Variants in DNHD1 observed in about 807,000 individuals in gnomAD.
DNHD1 encodes the protein dynein heavy chain domain 1.
DNHD1 carries 383 observed loss-of-function variants against 458.1 expected under a neutral mutation model. That is an observed-to-expected ratio of 0.84 (90% CI 0.77 to 0.91). The LOEUF is 0.91. Ranked by LOEUF, DNHD1 falls within the 40% of genes least tolerant of loss-of-function variation. The pLI is 0.00. For synonymous variants in DNHD1, 2,203 were observed against 2,376.9 expected, an observed-to-expected ratio of 0.93 and a Z score of 2.13; for missense variants, 5,336 against 5,866.1, an observed-to-expected ratio of 0.91 and a Z score of 2.95.
intron 6 of DNHD1, among the ~76,000 whole-genome samples, chr11:6,510,144 C>T (rs1363265163): frequency 2.0e-5 from 3 of 151,820 alleles, no homozygotes; most frequent in African/African-American, 7.3e-5. Context: ...AGTACAATGG[C>T]GCGATTTCGG....
At chr11:6,522,983 T>G (rs965589862) in intron 10 of DNHD1, among the ~76,000 whole-genome samples, 1 of 152,244 alleles carries the variant, frequency 6.6e-6, no homozygotes, top group Non-Finnish European at 1.5e-5. Flanking sequence ...TACTATTTGA[T>G]GTCCTTACAA....
intron 14 of DNHD1, among the ~76,000 whole-genome samples, chr11:6,535,666 G>A (rs578190759): frequency 1.3e-4 from 20 of 152,276 alleles, no homozygotes; most frequent in East Asian, 9.6e-4. Context: ...TTTATTATGC[G>A]TAGTAATAAT....
At chr11:6,551,557 C>A (rs1322023589) in intron 24 of DNHD1, among the ~76,000 whole-genome samples, 1 of 152,116 alleles carries the variant, frequency 6.6e-6, no homozygotes, top group Non-Finnish European at 1.5e-5. Context: ...TTGACAATCG[C>A]CTATTAACAC....
At chr11:6,510,326 C>G (rs188916455) in intron 6 of DNHD1, among the ~76,000 whole-genome samples, 12 of 152,118 alleles carry the variant, frequency 7.9e-5, no homozygotes, top group Non-Finnish European at 1.2e-4. Flanking sequence ...CTCAGGTGAT[C>G]CACCCACCTC....
chr11:6,546,113 A>T lies in DNHD1; in HGVS notation c.5174A>T (p.Tyr1725Phe). 6.4e-7 allele frequency: 1 copy of T among 1,551,574 alleles called. No homozygotes were observed. Among genetic ancestry groups the T allele is most frequent in the South Asian group, 1.2e-5 (1 of 84,052 alleles). The change falls in exon 21 of 43, where the codon TAT (tyrosine) becomes TTT (phenylalanine). Residue 1725 changes from tyrosine to phenylalanine, a missense_variant. Tyr to Phe is a conservative substitution (Grantham distance 22). Transcript: ENST00000254579. The part of the protein sequence containing the change: ...PQIEAQCLSN[Y>F]LNGALQGGAW... Reference sequence around the variant, plus strand: ...ATAGAGGCTCAATGCCTGAGCAACTATCTGAATGGTGCCCTGCAGGGTGGT... The same window carrying T: ...ATAGAGGCTCAATGCCTGAGCAACTTTCTGAATGGTGCCCTGCAGGGTGGT...
intron 11 of DNHD1, 25 bp downstream of exon 11, chr11:6,528,812 G>A (rs1449766767): frequency 6.4e-7 from 1 of 1,550,406 alleles, no homozygotes; most frequent in Non-Finnish European, 8.7e-7. Context: ...TTAAGGGATA[G>A]GGCGCTGCCC....
chr11:6,509,239 C>G lies in DNHD1; in HGVS notation c.1202C>G (p.Pro401Arg), dbSNP rs1852289503. 2 of 1,614,064 alleles carry G rather than the reference C, an allele frequency of 1.2e-6. No individual in the cohort carries two copies. Among genetic ancestry groups the G allele is most frequent in the East Asian group, 4.5e-5 (2 of 44,872 alleles). The change falls in exon 6 of 43, where the codon CCC (proline) becomes CGC (arginine). Residue 401 changes from proline (P) to arginine (R), a missense_variant. Around this residue, in one of 4 missense-constraint regions of DNHD1, gnomAD observed 3,932 missense variants for 4,365.6 expected, o/e 0.90. Coordinates refer to ENST00000254579, the MANE Select transcript of DNHD1 (RefSeq NM_144666.3). ...FLENHLLLAV[P>R]HFGAGLLHIS... ...GAGAATCATCTGCTCTTGGCTGTGCCCCACTTTGGAGCTGGGCTACTCCAT... is the reference window on the plus strand; with the variant it reads ...GAGAATCATCTGCTCTTGGCTGTGCGCCACTTTGGAGCTGGGCTACTCCAT...
At chr11:6,500,622 G>A (rs1852113617) in intron 3 of DNHD1, among the ~76,000 whole-genome samples, 2 of 152,186 alleles carry the variant, frequency 1.3e-5, no homozygotes, top group Admixed American at 1.3e-4. Context: ...CTGAGATGTT[G>A]GGAAGGGATC....
At position 6,566,928 on chromosome 11, in the gene DNHD1, C is replaced by G; in HGVS notation, c.11419C>G (p.Pro3807Ala). 6.2e-7 allele frequency: 1 copy of G among 1,613,328 alleles called. No individual in the cohort carries two copies. Among genetic ancestry groups the G allele is most frequent in the African/African-American group, 1.3e-5 (1 of 75,024 alleles). Residue 3807 changes from proline to alanine, a missense_variant, in exon 36 of 43, where the codon CCG becomes GCG. Around this residue, in one of 4 missense-constraint regions of DNHD1, gnomAD observed 695 missense variants for 804.2 expected, o/e 0.86. Transcript: ENST00000254579. Reference sequence around the variant, plus strand: ...GCTGACGATGCTGCTGTTCCAGAATCCGAAGCGTCAGAAGCCAGCCAAGTT... The same window carrying G: ...GCTGACGATGCTGCTGTTCCAGAATGCGAAGCGTCAGAAGCCAGCCAAGTT... ...RLLTMLLFQN[P>A]KRQKPAKFLR...
chr11:6,537,776 C>G (rs1405998523), intron 14 of DNHD1, among the ~76,000 whole-genome samples: 1 of 152,078 alleles, frequency 6.6e-6, no homozygotes. Context: ...ACTAAAAATA[C>G]AAAAATTAGC....
In DNHD1 at chr11:6,547,633, C is replaced by T; in HGVS notation, c.6694C>T (p.Leu2232Phe). The change falls in exon 21 of 43, where the codon CTT (leucine) becomes TTT (phenylalanine). Residue 2232 changes from leucine to phenylalanine, a missense_variant. Physicochemically the swap from Leu to Phe is conservative, Grantham distance 22 (BLOSUM62 0). This residue lies in a region of DNHD1 where 3,932 missense variants were observed against 4,365.6 expected (regional missense o/e 0.90). Coordinates refer to ENST00000254579, the MANE Select transcript of DNHD1 (RefSeq NM_144666.3). ...CTTGCATAGTCTGCTTGACCTCCAC[C>T]TTCGCCTAAAGGAGGAGAAGGCCCC... The part of the protein sequence containing the change: ...RILHSLLDLH[L>F]RLKEEKAPGP... 1.3e-6 allele frequency: 2 copies of T among 1,532,456 alleles called. No homozygotes were observed. Among genetic ancestry groups the T allele is most frequent in the Non-Finnish European group, 1.8e-6 (2 of 1,133,330 alleles). The allele number at this position is 1,532,456 out of a possible 1,614,324, so 94.9% of individuals were successfully genotyped here. A position where few individuals can be genotyped will look rare whatever the true frequency, so the allele number is the denominator to read the frequency against.
In DNHD1 at chr11:6,511,771, A is replaced by C. The variant is rs149871412; in HGVS notation, c.1392+342A>C. The stretch of plus-strand genomic sequence containing the variant: ...GGAATCCTGGTCTTTTATGCTGCTG[A>C]GCTTATTTTTGAACCTATCTTGAAC... On this transcript the variant is annotated intron_variant, in intron 7 of 42. Transcript: ENST00000254579. 6.6e-5 allele frequency among the ~76,000 whole-genome samples: 10 copies of C among 152,228 alleles called. No homozygotes were observed. In the East Asian group the frequency reaches 1.9e-3, roughly 29 times the overall value.
intron 10 of DNHD1, among the ~76,000 whole-genome samples, chr11:6,521,480 C>T (rs958663066): frequency 1.3e-5 from 2 of 152,074 alleles, no homozygotes; most frequent in African/African-American, 2.4e-5. Context: ...AAAAAGCACA[C>T]GGATTGGTAT....
intron 34 of DNHD1, 96 bp from the exon 35 acceptor site, chr11:6,566,491 G>A (rs1255818879): frequency 2.6e-6 from 4 of 1,551,502 alleles, no homozygotes; most frequent in East Asian, 2.4e-5. Flanking sequence ...GCCCAGAGCA[G>A]GCACAGGTCT....
chr11:6,545,686 G>GA lies in DNHD1; in HGVS notation c.4748dup (p.Asp1583GlufsTer13), dbSNP rs1853197126. The GA allele has an allele frequency of 6.4e-7, 1 of 1,551,608 alleles. No individual in the cohort carries two copies. Among genetic ancestry groups the GA allele is most frequent in the Admixed American group, 2.0e-5 (1 of 50,998 alleles). On this transcript the variant is annotated frameshift_variant, in exon 21 of 43. Coordinates refer to ENST00000254579, the MANE Select transcript of DNHD1 (RefSeq NM_144666.3). LOFTEE classifies it high-confidence loss of function. The surrounding 1 kb of genome is among the most constrained non-coding windows in gnomAD (Gnocchi z 4.9). ...GCTGGTCATGGCAGTGACTCACCGG[G>GA]ATATAGCACAGCTGCTGGAACAGCA...
chr11:6,557,356 G>T lies in DNHD1; in HGVS notation c.8061G>T (p.Gln2687His). The change falls in exon 25 of 43, where the codon CAG becomes CAT. Residue 2687 changes from glutamine (Q) to histidine (H), a missense_variant. This residue lies in a region of DNHD1 where 3,932 missense variants were observed against 4,365.6 expected (regional missense o/e 0.90). Coordinates refer to ENST00000254579, the MANE Select transcript of DNHD1 (RefSeq NM_144666.3). The part of the protein sequence containing the change: ...QSVFCCGPGP[Q>H]HLGKDHQESE... The stretch of plus-strand genomic sequence containing the variant: ...TCTTCTGCTGTGGGCCAGGGCCCCA[G>T]CACCTGGGCAAGGACCATCAGGAGA... The T allele has an allele frequency of 6.4e-7, 1 of 1,551,480 alleles. No homozygotes were observed. The highest frequency in any genetic ancestry group is 8.7e-7 in the Non-Finnish European group (1 of 1,147,060).
At chr11:6,503,100 CCA>C (rs770362455) in intron 4 of DNHD1, 174 bp downstream of exon 4, 3 of 618,614 alleles carry the variant, frequency 4.8e-6, no homozygotes, top group Non-Finnish European at 2.7e-6. Flanking sequence ...CTCCTCCTTT[CCA>C]CTCTCTACCT....
chr11:6,560,277 A>G (rs934301346), intron 28 of DNHD1, among the ~76,000 whole-genome samples: 2 of 152,174 alleles, frequency 1.3e-5, no homozygotes, highest in Non-Finnish European at 2.9e-5. Context: ...AGCTCTTCTG[A>G]TAAGTGCCTT....
Position 6,557,119 on chromosome 11 carries a change from A to C in DNHD1, c.7824A>C (p.Thr2608=). Residue 2608 remains threonine (T), a synonymous_variant, in exon 25 of 43, where the codon ACA becomes ACC. Coordinates refer to ENST00000254579, the MANE Select transcript of DNHD1 (RefSeq NM_144666.3). The stretch of plus-strand genomic sequence containing the variant: ...GCCTGCAGCTGCTGCCCAACAGAAC[A>C]GGCTCCCGAGGTTTTGTGGACTATC... ...LSSLQLLPNR[T]GSRGFVDYPN... is the part of the protein sequence containing the mutation. The C allele has an allele frequency of 6.4e-7, 1 of 1,551,728 alleles. No individual in the cohort carries two copies. The highest frequency in any genetic ancestry group is 8.7e-7 in the Non-Finnish European group (1 of 1,147,002).
Sources: allele counts gnomAD v4.1 joint callset (sites outside exome capture counted in the v4.1 genomes callset), GRCh38; gene constraint gnomAD v4.1.1; regional missense constraint gnomAD v4.1.1; non-coding constraint Gnocchi (gnomAD v3.1); transcripts MANE v1.5; gene names NCBI Gene and HGNC (gene_info 2026-07-23, HGNC 2026-07-21).